Variants in NTM observed in about 807,000 individuals in gnomAD.
NTM encodes the protein IgLON family member 2.
NTM carries 13 observed loss-of-function variants against 42.1 expected under a neutral mutation model. That is an observed-to-expected ratio of 0.31 (90% CI 0.20 to 0.49). NTM has a LOEUF of 0.49. NTM is among the 20% of genes least tolerant of loss of function. The pLI, the probability that NTM is intolerant of heterozygous loss-of-function variation, is 0.99. For synonymous variants in NTM, 187 were observed against 179.2 expected (o/e 1.04, Z -0.35); for missense variants, 373 against 452.8 (o/e 0.82, Z 1.60).
intron 1 of NTM, among the ~76,000 whole-genome samples, chr11:131,491,502 T>C (rs145415186): frequency 6.7e-6 from 1 of 150,352 alleles, no homozygotes; most frequent in East Asian, 1.9e-4. Context: ...TGTAATTGCA[T>C]ATTCTTTTCT....
chr11:132,189,864 G>A (rs528874876), intron 3 of NTM, among the ~76,000 whole-genome samples: 18 of 152,108 alleles, frequency 1.2e-4, no homozygotes, highest in Admixed American at 2.0e-4. Context: ...CCTACTATTC[G>A]CAAGAAACAC....
At chr11:132,006,815 G>A (rs2070900553) in intron 2 of NTM, among the ~76,000 whole-genome samples, 1 of 152,230 alleles carries the variant, frequency 6.6e-6, no homozygotes. Flanking sequence ...TTATAGAATA[G>A]CCTGGGGCAC....
At chr11:131,479,598 C>A (rs1435668718) in intron 1 of NTM, among the ~76,000 whole-genome samples, 1 of 152,156 alleles carries the variant, frequency 6.6e-6, no homozygotes, top group East Asian at 1.9e-4. Flanking sequence ...TCTGGAACAG[C>A]CAGAAAAGTG....
At chr11:131,589,777 T>G (rs2059207938) in intron 1 of NTM, among the ~76,000 whole-genome samples, 1 of 152,174 alleles carries the variant, frequency 6.6e-6, no homozygotes, top group Admixed American at 6.5e-5. Context: ...GCTGAGGAGA[T>G]GAAAGCAAAG....
intron 1 of NTM, among the ~76,000 whole-genome samples, chr11:131,639,394 AT>A (rs1411568197): frequency 3.3e-5 from 5 of 152,334 alleles, no homozygotes; most frequent in African/African-American, 1.2e-4. Context: ...TCAGATAAGA[AT>A]TTGATAGTTG....
rs569642961 is a variant in NTM at position 131,731,734 on chromosome 11, G to T, written c.83-179830G>T. On this transcript the variant is annotated intron_variant, in intron 1 of 8. Transcript: ENST00000683400. ...GAAGTTCAACTATAGTGGGCAAGTG[G>T]CTGCCTGGACTCCACGGCTCAGTTC... Among the ~76,000 whole-genome samples, 27 of 152,310 alleles carry T rather than the reference G, an allele frequency of 1.8e-4. 1 individual carries two copies. The highest frequency in any genetic ancestry group is 1.0e-3 in the South Asian group (5 of 4,826).
chr11:131,902,300 A>T (rs2053288335), intron 1 of NTM, among the ~76,000 whole-genome samples: 1 of 152,212 alleles, frequency 6.6e-6, no homozygotes, highest in Non-Finnish European at 1.5e-5. Flanking sequence ...GCCTTCCACA[A>T]ACAAACAGTT....
intron 4 of NTM, among the ~76,000 whole-genome samples, chr11:132,299,211 T>C (rs895916): frequency 0.26 from 39,565 of 151,924 alleles, 5,413 homozygotes; most frequent in African/African-American, 0.34. Context: ...AGGAGAATAT[T>C]GTGAATCCAG....
At chr11:132,208,504 AT>A (rs2082327901) in intron 3 of NTM, among the ~76,000 whole-genome samples, 2 of 152,178 alleles carry the variant, frequency 1.3e-5, no homozygotes, top group Non-Finnish European at 2.9e-5. Context: ...ATATTTTCCA[AT>A]TATTAGTGGG....
intron 2 of NTM, among the ~76,000 whole-genome samples, chr11:132,086,459 A>C (rs1156774161): frequency 6.6e-6 from 1 of 152,216 alleles, no homozygotes; most frequent in Admixed American, 6.5e-5. Flanking sequence ...TATACCTATA[A>C]CTTGGATACC....
intron 1 of NTM, among the ~76,000 whole-genome samples, chr11:131,812,458 C>G (rs1487249544): frequency 2.6e-5 from 4 of 152,108 alleles, no homozygotes; most frequent in African/African-American, 7.2e-5. Context: ...GAATAATGAC[C>G]ATGTGGCATT....
chr11:132,109,973 G>T (rs1053797483), intron 2 of NTM, among the ~76,000 whole-genome samples: 4 of 152,186 alleles, frequency 2.6e-5, no homozygotes, highest in Admixed American at 2.6e-4. Flanking sequence ...ACAGGCTCCT[G>T]CTTACCATTT....
intron 1 of NTM, among the ~76,000 whole-genome samples, chr11:131,827,438 G>T (rs1243093521): frequency 6.6e-6 from 1 of 152,172 alleles, no homozygotes; most frequent in African/African-American, 2.4e-5. Context: ...CTGTTATGGA[G>T]AAAGGATTGT....
At chr11:131,378,131 C>T (rs1942208715) in intron 1 of NTM, among the ~76,000 whole-genome samples, 1 of 152,084 alleles carries the variant, frequency 6.6e-6, no homozygotes, top group African/African-American at 2.4e-5. Context: ...AATCAGAATC[C>T]CTTTGAATGG....
chr11:132,185,192 T>C (rs2138128207), intron 3 of NTM, among the ~76,000 whole-genome samples: 1 of 152,288 alleles, frequency 6.6e-6, no homozygotes, highest in Middle Eastern at 3.4e-3. Flanking sequence ...TCTTGCTTTC[T>C]ATCACTGTCA....
rs572859182 is a variant in NTM, at chr11:131,726,824, C to T, written c.83-184740C>T. On this transcript the variant is annotated intron_variant, in intron 1 of 8. Transcript: ENST00000683400. ...AACCTAATGGGCTCAAGTGATCCTT[C>T]TGCCTCAGCCTCATTAGTAGCTGGG... Among the ~76,000 whole-genome samples, 9 of 150,162 alleles carry T rather than the reference C, an allele frequency of 6.0e-5. No individual in the cohort carries two copies. The East Asian group carries it at 1.5e-3, about 26-fold the overall frequency.
chr11:132,258,864 G>A (rs1041532729), intron 4 of NTM, among the ~76,000 whole-genome samples: 3 of 152,188 alleles, frequency 2.0e-5, no homozygotes, highest in Non-Finnish European at 4.4e-5. Flanking sequence ...GACATCCTTC[G>A]TGTGTGTGAC....
chr11:131,942,563 C>T (rs945251460), intron 2 of NTM, among the ~76,000 whole-genome samples: 3 of 152,126 alleles, frequency 2.0e-5, no homozygotes, highest in Admixed American at 6.5e-5. Flanking sequence ...ATTGTCTCTG[C>T]ACAGGGAACA....
At chr11:131,820,300 A>G (rs562806368) in intron 1 of NTM, among the ~76,000 whole-genome samples, 31 of 152,216 alleles carry the variant, frequency 2.0e-4, no homozygotes, top group Non-Finnish European at 4.3e-4. Context: ...TCTCTAAAGC[A>G]CCAAGTGGTC....
Sources: gnomAD v4.1 joint callset for allele counts (sites outside exome capture counted in the v4.1 genomes callset) on GRCh38, gnomAD v4.1.1 for gene constraint, MANE v1.5 for transcripts, NCBI Gene and HGNC (gene_info 2026-07-23, HGNC 2026-07-21) for gene names.